ETV6: variants seen among roughly 807,000 people sequenced by gnomAD.
The protein encoded by ETV6 is ETS variant transcription factor 6, also known as transcription factor ETV6.
In ETV6, 16 loss-of-function variants were observed where a neutral mutation model predicts 51.1. The observed-to-expected ratio is 0.31, with a 90% confidence interval of 0.21 to 0.48. ETV6 has a LOEUF of 0.48. ETV6 is among the 20% of genes least tolerant of loss of function. The pLI is 0.99. For synonymous variants in ETV6, 240 were observed against 224.1 expected, an observed-to-expected ratio of 1.07 and a Z score of -0.64; for missense variants, 458 against 594.8, an observed-to-expected ratio of 0.77 and a Z score of 2.39.
At chr12:11,656,168 CTA>C (rs1436725789) in intron 1 of ETV6, among the ~76,000 whole-genome samples, 18 of 152,166 alleles carry the variant, frequency 1.2e-4, no homozygotes, top group Non-Finnish European at 1.5e-5. Flanking sequence ...TCACAGCTCT[CTA>C]TGGATGCAGT....
chr12:11,760,869 AT>A (rs1945074265), intron 2 of ETV6, among the ~76,000 whole-genome samples: 4 of 111,724 alleles, frequency 3.6e-5, no homozygotes, highest in East Asian at 3.0e-4. Context: ...CACTACTATT[AT>A]TATATATATG....
rs565770228 is a variant in ETV6, at chr12:11,869,092, C to T, written c.464-332C>T. 3.3e-5 allele frequency among the ~76,000 whole-genome samples: 5 copies of T among 152,038 alleles called. No homozygotes were observed. The highest frequency in any genetic ancestry group is 1.9e-4 in the East Asian group (1 of 5,172). ...TCTACTAAAAATAAAAAAAATTAGC[C>T]GAGCATGGTGGTGGGCGCCTGTAGT... On this transcript the variant is annotated intron_variant, in intron 4 of 7. Coordinates refer to ENST00000396373, the MANE Select transcript of ETV6 (RefSeq NM_001987.5). This position sits in a 1 kb window ranked among gnomAD's most constrained non-coding sequence, Gnocchi z 5.0.
chr12:11,689,809 T>TCCC (rs796644073), intron 1 of ETV6, among the ~76,000 whole-genome samples: 29 of 47,102 alleles, frequency 6.2e-4, no homozygotes, highest in Admixed American at 8.6e-4. Flanking sequence ...TCTTTTTCCC[T>TCCC]CCCCCCCCCC....
At chr12:11,850,397 T>G (rs1398036155) in intron 3 of ETV6, among the ~76,000 whole-genome samples, 5 of 152,186 alleles carry the variant, frequency 3.3e-5, no homozygotes. Flanking sequence ...GTGGCCTCAG[T>G]TAACCTTCTT....
intron 1 of ETV6, among the ~76,000 whole-genome samples, chr12:11,737,557 C>T (rs530327621): frequency 5.9e-5 from 9 of 152,124 alleles, no homozygotes; most frequent in Middle Eastern, 3.4e-3. Flanking sequence ...TAGTCTGAAC[C>T]GAGGAAAATA....
intron 2 of ETV6, among the ~76,000 whole-genome samples, chr12:11,758,445 C>G (rs552573732): frequency 6.6e-6 from 1 of 152,238 alleles, no homozygotes; most frequent in East Asian, 1.9e-4. Context: ...AAAGAAAGGA[C>G]CTAGGGTTCT....
chr12:11,652,527 T>C (rs1190521545), intron 1 of ETV6, among the ~76,000 whole-genome samples: 1 of 152,212 alleles, frequency 6.6e-6, no homozygotes. Flanking sequence ...TTTTCAAGGA[T>C]GAGCTGATGA....
intron 1 of ETV6, among the ~76,000 whole-genome samples, chr12:11,702,402 A>T (rs1372885313): frequency 3.3e-5 from 5 of 152,194 alleles, no homozygotes; most frequent in Non-Finnish European, 7.3e-5. Flanking sequence ...TTTGTACAAG[A>T]TAGCTGGACA....
chr12:11,725,781 CT>C (rs1442163882), intron 1 of ETV6, among the ~76,000 whole-genome samples: 2 of 152,176 alleles, frequency 1.3e-5, no homozygotes, highest in African/African-American at 4.8e-5. Flanking sequence ...GTACCTCCCC[CT>C]GCCTCTCTCT....
At chr12:11,766,823 T>C (rs886692179) in intron 2 of ETV6, among the ~76,000 whole-genome samples, 1 of 152,198 alleles carries the variant, frequency 6.6e-6, no homozygotes, top group South Asian at 2.1e-4. Flanking sequence ...TTTAAAATCT[T>C]GAAGGCAGTA....
chr12:11,876,933 CT>C (rs955928076), intron 5 of ETV6, among the ~76,000 whole-genome samples: 30 of 152,154 alleles, frequency 2.0e-4, no homozygotes, highest in Non-Finnish European at 2.9e-5. Context: ...TAAAGGTAGC[CT>C]TTTGTGACTT....
At chr12:11,653,766 G>C (rs1638575580) in intron 1 of ETV6, among the ~76,000 whole-genome samples, 1 of 152,078 alleles carries the variant, frequency 6.6e-6, no homozygotes, top group South Asian at 2.1e-4. Flanking sequence ...AGCACTCCTG[G>C]GGGGTCTGTC....
chr12:11,800,132 A>G (rs1469417806), intron 2 of ETV6, among the ~76,000 whole-genome samples: 1 of 152,202 alleles, frequency 6.6e-6, no homozygotes, highest in Non-Finnish European at 1.5e-5. Flanking sequence ...TGGCAGACAT[A>G]GGAAAGGGGA....
chr12:11,804,577 T>A (rs1945801219), intron 2 of ETV6, among the ~76,000 whole-genome samples: 1 of 152,182 alleles, frequency 6.6e-6, no homozygotes. Flanking sequence ...CATGTTAGAG[T>A]CCCTCACCTT....
rs575252590 is a variant in ETV6 at position 11,833,014 on chromosome 12, C to G, written c.164-6126C>G. 7.9e-5 allele frequency among the ~76,000 whole-genome samples: 12 copies of G among 152,298 alleles called. No homozygotes were observed. In the South Asian group the frequency reaches 8.3e-4, roughly 11 times the overall value. ...ATAGATGCTAGAAATCGATGGAAATCTGGAGAAGACTGCAGCAGGCTGGGA... is the reference window on the plus strand; with the variant it reads ...ATAGATGCTAGAAATCGATGGAAATGTGGAGAAGACTGCAGCAGGCTGGGA... On this transcript the variant is annotated intron_variant, in intron 2 of 7. Transcript: ENST00000396373.
chr12:11,719,933 A>C (rs972011701), intron 1 of ETV6, among the ~76,000 whole-genome samples: 8 of 152,144 alleles, frequency 5.3e-5, no homozygotes, highest in Non-Finnish European at 7.4e-5. Context: ...CGGCACAGTC[A>C]TTGGCTCTGA....
chr12:11,820,073 C>T (rs1045364893), intron 2 of ETV6, among the ~76,000 whole-genome samples: 3 of 152,228 alleles, frequency 2.0e-5, no homozygotes, highest in African/African-American at 7.2e-5. Flanking sequence ...CATATGTCAA[C>T]ATACTTAATG....
At chr12:11,754,290 T>A (rs1365341409) in intron 2 of ETV6, among the ~76,000 whole-genome samples, 1 of 152,182 alleles carries the variant, frequency 6.6e-6, no homozygotes, top group Non-Finnish European at 1.5e-5. Context: ...CCTGCTCTTG[T>A]GGAACTTAAA....
At chr12:11,884,156 T>A (rs550900664) in intron 5 of ETV6, among the ~76,000 whole-genome samples, 1 of 152,364 alleles carries the variant, frequency 6.6e-6, no homozygotes, top group East Asian at 1.9e-4. Context: ...TGCCCAGGTT[T>A]AAGTTTGGGT....
Sources: gnomAD v4.1 joint callset for allele counts (sites outside exome capture counted in the v4.1 genomes callset) on GRCh38, gnomAD v4.1.1 for gene constraint, Gnocchi (gnomAD v3.1) non-coding constraint, MANE v1.5 for transcripts, NCBI Gene and HGNC (gene_info 2026-07-23, HGNC 2026-07-21) for gene names.